Variants in CNTNAP3 observed in about 807,000 individuals in gnomAD.
CNTNAP3 encodes contactin-associated protein-like 3.
A neutral mutation model predicts 92.1 loss-of-function variants in CNTNAP3; 36 were observed. That is an observed-to-expected ratio of 0.39 (90% confidence interval 0.30 to 0.52). CNTNAP3 has a LOEUF of 0.52. Ranked by LOEUF, CNTNAP3 falls within the 20% of genes least tolerant of loss-of-function variation. The pLI is 0.76. For missense variants in CNTNAP3, 534 were observed against 1,069.6 expected, an observed-to-expected ratio of 0.50 and a Z score of 6.98; for synonymous variants, 232 against 422.3, an observed-to-expected ratio of 0.55 and a Z score of 5.53.
chr9:39,133,023 C>A lies in CNTNAP3; in HGVS notation c.1989G>T (p.Ala663=). ...GGTTCACCGCGGACCGCAGCTGCCC[C>A]GCGCCCGCTGCGTACGCGAAGGACA... ...SAVSFAYAAG[A]GQLRSAVNLA... is the part of the protein sequence containing the mutation. Residue 663 remains alanine, a synonymous_variant, in exon 13 of 24, where the codon GCG becomes GCT. Coordinates refer to ENST00000297668, the MANE Select transcript of CNTNAP3 (RefSeq NM_033655.5). The A allele has an allele frequency of 6.5e-7, 1 of 1,542,294 alleles. No homozygotes were observed. The highest frequency in any genetic ancestry group is 8.7e-7 in the Non-Finnish European group (1 of 1,151,024).
intron 3 of CNTNAP3, among the ~76,000 whole-genome samples, chr9:39,225,950 G>A (rs950268129): frequency 0.014 from 90 of 6,600 alleles, 4 homozygotes; most frequent in African/African-American, 0.016. Flanking sequence ...CTCCCAAAGC[G>A]CTGACATTAT....
intron 10 of CNTNAP3, among the ~76,000 whole-genome samples, chr9:39,148,192 G>T (rs1259594325): frequency 3.9e-5 from 6 of 151,958 alleles, no homozygotes; most frequent in African/African-American, 1.2e-4. Flanking sequence ...TGTGTGCCAA[G>T]AATTCAAATC....
chr9:39,117,638 C>T (rs868547746), intron 14 of CNTNAP3, among the ~76,000 whole-genome samples: 1 of 152,016 alleles, frequency 6.6e-6, no homozygotes, highest in Non-Finnish European at 1.5e-5. Context: ...GTTGCTTCTA[C>T]AAAATAAACA....
chr9:39,119,658 G>T (rs1235367237), intron 13 of CNTNAP3, among the ~76,000 whole-genome samples: 2 of 151,942 alleles, frequency 1.3e-5, no homozygotes, highest in Non-Finnish European at 2.9e-5. Flanking sequence ...GATGTAAGTG[G>T]GTGAACTTCT....
At chr9:39,099,831 A>T (rs1173153750) in intron 18 of CNTNAP3, 80 bp downstream of exon 18, 2 of 1,548,368 alleles carry the variant, frequency 1.3e-6, no homozygotes, top group East Asian at 4.8e-5. Flanking sequence ...TCTCTTTATA[A>T]TATCAAATGC....
rs1452818570 is a variant in CNTNAP3 at position 39,070,842 on chromosome 9, C to A, written c.*3048G>T. ...TTAAAAAATAAAAAAGATTTCCCAT[C>A]AAATATTCTTTCAGAGAAGATGTGA... On this transcript the variant is annotated 3_prime_UTR_variant, in exon 24 of 24. Transcript: ENST00000297668. Among the ~76,000 whole-genome samples the A allele has an allele frequency of 1.3e-5, 2 of 152,260 alleles. No individual in the cohort carries two copies. The highest frequency in any genetic ancestry group is 2.9e-5 in the Non-Finnish European group (2 of 68,022).
Position 39,072,951 on chromosome 9 carries a change from G to A in CNTNAP3, c.*939C>T, listed in dbSNP as rs1019075369. Reference sequence around the variant, plus strand: ...GATGATGTTTCATTCACGTCTTAATGATATAAATAAAGGATAACTCTGTGT... The same window carrying A: ...GATGATGTTTCATTCACGTCTTAATAATATAAATAAAGGATAACTCTGTGT... On this transcript the variant is annotated 3_prime_UTR_variant, in exon 24 of 24. Transcript: ENST00000297668. The A allele has an allele frequency of 2.0e-5, 3 of 152,738 alleles. No individual in the cohort carries two copies. The highest frequency in any genetic ancestry group is 1.3e-4 in the Admixed American group (2 of 15,290). 9.5% of individuals were successfully genotyped at this position (152,738 alleles called of 1,614,324 possible). A position where few individuals can be genotyped will look rare whatever the true frequency, so the allele number is the denominator to read the frequency against.
At position 39,073,712 on chromosome 9, in the gene CNTNAP3, G is replaced by A; in HGVS notation, c.*178C>T. ...AAAGGGACCTCCCAGAGGCTCCGAG[G>A]CTGCAGGTCTTCAGCCAGGTGACAG... is the stretch of plus-strand genomic sequence containing the variant. On this transcript the variant is annotated 3_prime_UTR_variant, in exon 24 of 24. Coordinates refer to ENST00000297668, the MANE Select transcript of CNTNAP3 (RefSeq NM_033655.5). 30 of 1,527,316 alleles carry A rather than the reference G, an allele frequency of 2.0e-5. No homozygotes were observed. The South Asian group carries it at 3.2e-4, about 16-fold the overall frequency. 94.6% of individuals were successfully genotyped at this position (1,527,316 alleles called of 1,614,324 possible).
At chr9:39,133,269 G>A (rs1563888301) in intron 12 of CNTNAP3, 134 bp from the exon 13 acceptor site, 1 of 1,191,800 alleles carries the variant, frequency 8.4e-7, no homozygotes, top group Admixed American at 2.0e-5. Flanking sequence ...CGCGATTTGA[G>A]GAGTTGGACC....
In CNTNAP3 at chr9:39,066,223, A is replaced by T. The variant is rs1346993661; in HGVS notation, c.*7667T>A. Among the ~76,000 whole-genome samples, 1 of 152,246 alleles carries T rather than the reference A, an allele frequency of 6.6e-6. No homozygotes were observed. Among genetic ancestry groups the T allele is most frequent in the Non-Finnish European group, 1.5e-5 (1 of 68,044 alleles). On this transcript the variant is annotated 3_prime_UTR_variant, in exon 24 of 24. Transcript: ENST00000297668. ...TTGTAATAGCCAACTTTTAATAGGC[A>T]TTATACGACTTTACACACAGTCTAA...
intron 23 of CNTNAP3, among the ~76,000 whole-genome samples, chr9:39,076,735 A>G (rs1825778395): frequency 6.6e-6 from 1 of 152,294 alleles, no homozygotes; most frequent in Non-Finnish European, 1.5e-5. Context: ...TTGGGAGGCC[A>G]AGGTAGGTGG....
At chr9:39,079,194 G>A (rs2990045) in intron 21 of CNTNAP3, among the ~76,000 whole-genome samples, 1 of 151,974 alleles carries the variant, frequency 6.6e-6, no homozygotes, top group African/African-American at 2.4e-5. Flanking sequence ...ATAGGAAAGC[G>A]GTTACATGGC....
chr9:39,109,419 G>A (rs1277860822), intron 14 of CNTNAP3, 132 bp from the exon 15 acceptor site: 4 of 1,407,062 alleles, frequency 2.8e-6, no homozygotes, highest in Non-Finnish European at 3.8e-6. Flanking sequence ...TCAATATTTT[G>A]AGAGCACAGA....
intron 18 of CNTNAP3, among the ~76,000 whole-genome samples, chr9:39,091,168 C>CTTTTTTTTTTTTT (rs1319060417): frequency 5.1e-5 from 6 of 117,980 alleles, no homozygotes; most frequent in African/African-American, 1.9e-4. Flanking sequence ...TGTTTTTCTT[C>CTTTTTTTTTTTTT]TTCTTTTTTT....
At chr9:39,132,272 T>A (rs1263794018) in intron 13 of CNTNAP3, among the ~76,000 whole-genome samples, 6 of 152,094 alleles carry the variant, frequency 3.9e-5, no homozygotes, top group Non-Finnish European at 7.4e-5. Context: ...AGGGGACTTG[T>A]GGGGATTCCG....
At chr9:39,091,168 CTTCT>C (rs1379768789) in intron 18 of CNTNAP3, among the ~76,000 whole-genome samples, 2 of 118,004 alleles carry the variant, frequency 1.7e-5, no homozygotes, top group East Asian at 4.8e-4. Flanking sequence ...TGTTTTTCTT[CTTCT>C]TTTTTTTTTT....
Position 39,072,299 on chromosome 9 carries a change from T to C in CNTNAP3, c.*1591A>G, listed in dbSNP as rs16925199. ...AACAGTAACGCTGAATCAATATATT[T>C]TCAGCTTGCCCTGATGTGGAAGAAA... On this transcript the variant is annotated 3_prime_UTR_variant, in exon 24 of 24. Coordinates refer to ENST00000297668, the MANE Select transcript of CNTNAP3 (RefSeq NM_033655.5). Among the ~76,000 whole-genome samples, 161 of 135,700 alleles carry C rather than the reference T, an allele frequency of 1.2e-3. No individual in the cohort carries two copies. The highest frequency in any genetic ancestry group is 0.011 in the Middle Eastern group (3 of 266). The allele number at this position is 135,700 out of a possible 152,430, so 89.0% of individuals were successfully genotyped here.
intron 15 of CNTNAP3, among the ~76,000 whole-genome samples, chr9:39,106,881 C>T (rs1028766797): frequency 1.1e-4 from 16 of 152,074 alleles, no homozygotes; most frequent in African/African-American, 3.6e-4. Context: ...CAGTGTGATG[C>T]CTGGCACAGG....
rs1202942443 is a variant in CNTNAP3 at position 39,071,003 on chromosome 9, C to T, written c.*2887G>A. ...GGATTGAAGTTAAGAGAGAGAAGTG[C>T]CAGGAGTTCAGTCCACGCATGACAA... On this transcript the variant is annotated 3_prime_UTR_variant, in exon 24 of 24. Transcript: ENST00000297668. Among the ~76,000 whole-genome samples, 4 of 152,344 alleles carry T rather than the reference C, an allele frequency of 2.6e-5. No homozygotes were observed. The highest frequency in any genetic ancestry group is 4.8e-5 in the African/African-American group (2 of 41,588).
Sources: allele counts gnomAD v4.1 joint callset (sites outside exome capture counted in the v4.1 genomes callset), GRCh38; gene constraint gnomAD v4.1.1; transcripts MANE v1.5; gene names NCBI Gene and HGNC (gene_info 2026-07-23, HGNC 2026-07-21).